The following VPS13B variants were observed in gnomAD, a reference collection of about 807,000 sequenced individuals.
VPS13B encodes the protein intermembrane lipid transfer protein VPS13B.
In VPS13B, 285 loss-of-function variants were observed where a neutral mutation model predicts 426.4. That is an observed-to-expected ratio of 0.67 (90% CI 0.61 to 0.74). The LOEUF (loss-of-function observed/expected upper bound fraction) is 0.74. Among genes scored for constraint, VPS13B ranks in the 30% least tolerant of loss-of-function variants. The pLI is 0.00. For missense variants in VPS13B, 4,537 were observed against 4,782.6 expected (o/e 0.95, Z 1.51); for synonymous variants, 1,676 against 1,676.4 (o/e 1.00, Z 0.01).
chr8:99,531,792 T>A (rs1424783513), intron 30 of VPS13B, among the ~76,000 whole-genome samples: 1 of 152,096 alleles, frequency 6.6e-6, no homozygotes, highest in Non-Finnish European at 1.5e-5. Context: ...AATATAGAGT[T>A]TATAGAATTA....
intron 31 of VPS13B, among the ~76,000 whole-genome samples, chr8:99,568,435 C>CCCACGCCA (rs1825302146): frequency 6.6e-6 from 1 of 151,754 alleles, no homozygotes; most frequent in Admixed American, 6.6e-5. Context: ...GGACTACAGG[C>CCCACGCCA]CCACGCCACC....
At chr8:99,665,486 A>G (rs1279148676) in intron 35 of VPS13B, among the ~76,000 whole-genome samples, 6 of 152,148 alleles carry the variant, frequency 3.9e-5, no homozygotes, top group East Asian at 1.9e-4. Context: ...ATCTTGAATT[A>G]ATTTTTGTAT....
intron 7 of VPS13B, among the ~76,000 whole-genome samples, chr8:99,119,895 T>G (rs536835205): frequency 3.6e-4 from 55 of 152,126 alleles, no homozygotes; most frequent in Non-Finnish European, 5.1e-4. Context: ...TGTTTTTTGT[T>G]TTTAGACAGG....
intron 31 of VPS13B, among the ~76,000 whole-genome samples, chr8:99,566,575 T>A (rs1332079299): frequency 6.6e-6 from 1 of 152,086 alleles, no homozygotes; most frequent in East Asian, 1.9e-4. Context: ...CCTGAGTAGC[T>A]GGAATTACAG....
intron 40 of VPS13B, among the ~76,000 whole-genome samples, chr8:99,776,047 G>C (rs1248214659): frequency 6.6e-6 from 1 of 152,198 alleles, no homozygotes; most frequent in Non-Finnish European, 1.5e-5. Context: ...TTACAGTAGT[G>C]AGTGAGTGCT....
At chr8:99,026,015 T>A (rs967068909) in intron 2 of VPS13B, among the ~76,000 whole-genome samples, 1 of 152,162 alleles carries the variant, frequency 6.6e-6, no homozygotes, top group South Asian at 2.1e-4. Context: ...TTTGTTCTGA[T>A]CCTCATAATA....
At chr8:99,341,749 TA>T in intron 19 of VPS13B, 1 of 395,012 alleles carries the variant, frequency 2.5e-6, no homozygotes, top group Non-Finnish European at 5.2e-6. Context: ...TTCCCACCAA[TA>T]ACATCAGCAA....
intron 17 of VPS13B, among the ~76,000 whole-genome samples, chr8:99,206,181 C>G (rs1814708038): frequency 6.6e-6 from 1 of 151,976 alleles, no homozygotes; most frequent in Non-Finnish European, 1.5e-5. Flanking sequence ...TTTCCTTGTT[C>G]AGAAGTTCAT....
At chr8:99,575,017 T>G (rs1272082218) in intron 31 of VPS13B, among the ~76,000 whole-genome samples, 3 of 151,914 alleles carry the variant, frequency 2.0e-5, no homozygotes, top group Admixed American at 1.3e-4. Flanking sequence ...TAAAAATAAA[T>G]TAGCCAGGCA....
intron 3 of VPS13B, among the ~76,000 whole-genome samples, chr8:99,095,729 T>C (rs1459378241): frequency 2.6e-5 from 4 of 152,168 alleles, no homozygotes; most frequent in Non-Finnish European, 5.9e-5. Context: ...CAGGGATAAA[T>C]TTCAAAAATA....
chr8:99,827,511 C>CA (rs1307809469), intron 51 of VPS13B, among the ~76,000 whole-genome samples: 3,217 of 131,854 alleles, frequency 0.024, 131 homozygotes, highest in African/African-American at 0.084. Context: ...TTGATCTTTT[C>CA]AAAAAAAAAA....
At chr8:99,030,155 T>TTTA (rs1554574347) in intron 2 of VPS13B, among the ~76,000 whole-genome samples, 2 of 144,304 alleles carry the variant, frequency 1.4e-5, no homozygotes, top group Non-Finnish European at 3.0e-5. Flanking sequence ...TTTTTTTTTT[T>TTTA]ACTTAATAGT....
At chr8:99,189,241 G>A (rs1813412358) in intron 16 of VPS13B, among the ~76,000 whole-genome samples, 1 of 152,168 alleles carries the variant, frequency 6.6e-6, no homozygotes, top group Non-Finnish European at 1.5e-5. Context: ...GAGCCACCGC[G>A]CCCGGCCAAA....
intron 19 of VPS13B, among the ~76,000 whole-genome samples, chr8:99,349,845 T>A (rs1811777230): frequency 6.6e-6 from 1 of 152,198 alleles, no homozygotes; most frequent in Non-Finnish European, 1.5e-5. Context: ...ATATACGTAT[T>A]TTTTATACTT....
At chr8:99,391,752 A>G (rs374578638) in intron 21 of VPS13B, 48 bp downstream of exon 21, 29 of 1,599,744 alleles carry the variant, frequency 1.8e-5, no homozygotes, top group Non-Finnish European at 2.4e-5. Context: ...TCTACTTCTA[A>G]GCTAGCAAGT....
At chr8:99,761,501 G>T (rs957500741) in intron 39 of VPS13B, among the ~76,000 whole-genome samples, 1 of 151,984 alleles carries the variant, frequency 6.6e-6, no homozygotes, top group Admixed American at 6.6e-5. Context: ...TCCAACCCTC[G>T]CCTTGTACTT....
chr8:99,584,949 A>T (rs1826234833), intron 33 of VPS13B, among the ~76,000 whole-genome samples: 1 of 152,152 alleles, frequency 6.6e-6, no homozygotes, highest in Non-Finnish European at 1.5e-5. Flanking sequence ...AAATACACCT[A>T]CTCGTGTGCA....
intron 34 of VPS13B, among the ~76,000 whole-genome samples, chr8:99,653,754 G>A (rs771495247): frequency 6.6e-6 from 1 of 152,076 alleles, no homozygotes; most frequent in Non-Finnish European, 1.5e-5. Flanking sequence ...GGACATTGAT[G>A]GTCAAACATT....
intron 17 of VPS13B, among the ~76,000 whole-genome samples, chr8:99,240,687 T>A (rs1471300412): frequency 6.6e-6 from 1 of 152,258 alleles, no homozygotes; most frequent in African/African-American, 2.4e-5. Flanking sequence ...CATTATTATT[T>A]ATATTTAAAA....
Sources: gnomAD v4.1 joint callset for allele counts (sites outside exome capture counted in the v4.1 genomes callset) on GRCh38, gnomAD v4.1.1 for gene constraint, MANE v1.5 for transcripts, NCBI Gene and HGNC (gene_info 2026-07-23, HGNC 2026-07-21) for gene names.